Variants in CNKSR3 observed in about 807,000 individuals in gnomAD.
CNKSR3 encodes the protein CNKSR family member 3.
A neutral mutation model predicts 67.7 loss-of-function variants in CNKSR3; 36 were observed. The ratio of observed to expected loss-of-function variants is 0.53; its 90% CI spans 0.41 to 0.70. The LOEUF (loss-of-function observed/expected upper bound fraction) is 0.70. Among genes scored for constraint, CNKSR3 ranks in the 30% least tolerant of loss-of-function variants. The pLI is 0.00. For missense variants in CNKSR3, 630 were observed against 695.2 expected, an observed-to-expected ratio of 0.91 and a Z score of 1.05; for synonymous variants, 281 against 271.4, an observed-to-expected ratio of 1.04 and a Z score of -0.35.
At chr6:154,432,346 A>G (rs1258976832) in intron 5 of CNKSR3, among the ~76,000 whole-genome samples, 2 of 151,886 alleles carry the variant, frequency 1.3e-5, no homozygotes, top group Non-Finnish European at 2.9e-5. Flanking sequence ...CTCCTTTTTA[A>G]TTGGGTTGTT....
intron 1 of CNKSR3, among the ~76,000 whole-genome samples, chr6:154,465,917 T>C (rs193143713): frequency 4.6e-3 from 704 of 152,324 alleles, no homozygotes; most frequent in Non-Finnish European, 7.8e-3. Flanking sequence ...GAAATCTGGA[T>C]GGAATTCTTT....
rs1316377758 is a variant in CNKSR3, at chr6:154,405,621, CAGCGAATCTTAT to C, written c.*721_*732del. The C allele has an allele frequency of 1.3e-5, 2 of 152,236 alleles. No individual in the cohort carries two copies. Among genetic ancestry groups the C allele is most frequent in the Admixed American group, 6.5e-5 (1 of 15,280 alleles). The allele number at this position is 152,236 out of a possible 1,614,324, so 9.4% of individuals were successfully genotyped here. The stretch of plus-strand genomic sequence containing the variant: ...CTTTTCTAAATGATACTTTGGCTGT[CAGCGAATCTTAT>C]AGCTTCTTTTCCCTTAAAGACAATA... On this transcript the variant is annotated 3_prime_UTR_variant, in exon 13 of 13. Coordinates refer to ENST00000607772, the MANE Select transcript of CNKSR3 (RefSeq NM_173515.4).
intron 10 of CNKSR3, among the ~76,000 whole-genome samples, chr6:154,413,055 T>C (rs1420548374): frequency 1.3e-5 from 2 of 151,874 alleles, no homozygotes; most frequent in Non-Finnish European, 1.5e-5. Flanking sequence ...AATCATCCTG[T>C]ACACTCTATA....
At chr6:154,414,655 G>A (rs1784981199) in intron 9 of CNKSR3, 2 of 602,160 alleles carry the variant, frequency 3.3e-6, no homozygotes, top group Admixed American at 2.1e-5. Flanking sequence ...AGAGGCTTAG[G>A]AGCCAGGTGC....
chr6:154,510,411 T>A lies in CNKSR3; in HGVS notation c.-297A>T. 2.1e-6 allele frequency: 1 copy of A among 471,946 alleles called. No homozygotes were observed. Among genetic ancestry groups the A allele is most frequent in the Non-Finnish European group, 3.7e-6 (1 of 266,704 alleles). 29.2% of individuals were successfully genotyped at this position (471,946 alleles called of 1,614,324 possible). ...GACGGCAGCTGCAGGCACGCCGGGC[T>A]GCGACCCCAGACCCCTGGCCTCGGC... On this transcript the variant is annotated 5_prime_UTR_variant, in exon 1 of 13. Coordinates refer to ENST00000607772, the MANE Select transcript of CNKSR3 (RefSeq NM_173515.4).
chr6:154,507,579 G>T (rs1436735260), intron 1 of CNKSR3, among the ~76,000 whole-genome samples: 2 of 152,084 alleles, frequency 1.3e-5, no homozygotes, highest in Non-Finnish European at 2.9e-5. Context: ...TTCAAGTAAT[G>T]GGTCACGCAA....
chr6:154,476,880 T>G (rs191438422), intron 1 of CNKSR3, among the ~76,000 whole-genome samples: 1 of 152,322 alleles, frequency 6.6e-6, no homozygotes, highest in Non-Finnish European at 1.5e-5. Context: ...CTTAAAAATA[T>G]CCAGGTTTAA....
At chr6:154,498,278 A>C (rs1786916580) in intron 1 of CNKSR3, among the ~76,000 whole-genome samples, 1 of 152,202 alleles carries the variant, frequency 6.6e-6, no homozygotes, top group Non-Finnish European at 1.5e-5. Flanking sequence ...CTCACTGGAC[A>C]ATTAACACCT....
At chr6:154,456,487 C>A (rs1785958101) in intron 1 of CNKSR3, among the ~76,000 whole-genome samples, 1 of 148,428 alleles carries the variant, frequency 6.7e-6, no homozygotes, top group Non-Finnish European at 1.5e-5. Flanking sequence ...CACTTGAGGT[C>A]AGGAGTTCGA....
At chr6:154,440,887 T>A (rs1213197230) in intron 4 of CNKSR3, among the ~76,000 whole-genome samples, 1 of 151,416 alleles carries the variant, frequency 6.6e-6, no homozygotes, top group Admixed American at 6.6e-5. Context: ...GACTGGTAAA[T>A]CCAACAACAA....
At position 154,501,905 on chromosome 6, in the gene CNKSR3, C is replaced by T. The variant is rs113749624; in HGVS notation, c.52+8158G>A. ...GCGTCCAAGGAAACAATGAGAAGAC[C>T]GAAGACGGACTTGATTTAACTTACC... On this transcript the variant is annotated intron_variant, in intron 1 of 12. Coordinates refer to ENST00000607772, the MANE Select transcript of CNKSR3 (RefSeq NM_173515.4). Among the ~76,000 whole-genome samples, 720 of 152,008 alleles carry T rather than the reference C, an allele frequency of 4.7e-3. 4 individuals are homozygous for T. Among genetic ancestry groups the T allele is most frequent in the Middle Eastern group, 0.01 (3 of 294 alleles).
chr6:154,505,608 C>T (rs937768200), intron 1 of CNKSR3, among the ~76,000 whole-genome samples: 1 of 151,096 alleles, frequency 6.6e-6, no homozygotes, highest in African/African-American at 2.4e-5. Flanking sequence ...TGCCATTCTC[C>T]TGCCTCAGCC....
At chr6:154,435,071 C>T (rs1033784345) in intron 4 of CNKSR3, among the ~76,000 whole-genome samples, 8 of 150,732 alleles carry the variant, frequency 5.3e-5, no homozygotes, top group Admixed American at 1.3e-4. Context: ...CTCAGCTCAC[C>T]GGCAGCCTTG....
At chr6:154,501,107 C>T (rs1282593650) in intron 1 of CNKSR3, among the ~76,000 whole-genome samples, 1 of 152,130 alleles carries the variant, frequency 6.6e-6, no homozygotes, top group African/African-American at 2.4e-5. Context: ...TTAGCCCTGG[C>T]AGGAGGGGAA....
At chr6:154,505,304 G>C (rs1236806166) in intron 1 of CNKSR3, among the ~76,000 whole-genome samples, 1 of 151,134 alleles carries the variant, frequency 6.6e-6, no homozygotes, top group Non-Finnish European at 1.5e-5. Context: ...TAAACAAATA[G>C]ACACGACAGG....
Position 154,501,223 on chromosome 6 carries a change from C to T in CNKSR3, c.52+8840G>A, listed in dbSNP as rs539242306. Among the ~76,000 whole-genome samples, 3 of 152,322 alleles carry T rather than the reference C, an allele frequency of 2.0e-5. No individual in the cohort carries two copies. In the East Asian group the frequency reaches 5.8e-4, roughly 29 times the overall value. ...GAACTTGGCTTCACAAAGGCTGAAA[C>T]TGCCAACACCTGAATCCAAGACACC... is the stretch of plus-strand genomic sequence containing the variant. On this transcript the variant is annotated intron_variant, in intron 1 of 12. Coordinates refer to ENST00000607772, the MANE Select transcript of CNKSR3 (RefSeq NM_173515.4).
chr6:154,410,920 C>T lies in CNKSR3; in HGVS notation c.1279+14G>A. On this transcript the variant is annotated intron_variant, in intron 11 of 12. Coordinates refer to ENST00000607772, the MANE Select transcript of CNKSR3 (RefSeq NM_173515.4). ...AAGGCCAACGGCAGAACAAAACAAA[C>T]ACTTGAAACTTACCATAAGATGGTG... is the stretch of plus-strand genomic sequence containing the variant. 6.2e-7 allele frequency: 1 copy of T among 1,600,162 alleles called. No individual in the cohort carries two copies. Among genetic ancestry groups the T allele is most frequent in the Non-Finnish European group, 8.5e-7 (1 of 1,171,928 alleles).
At chr6:154,495,133 G>A (rs1230596253) in intron 1 of CNKSR3, among the ~76,000 whole-genome samples, 2 of 152,064 alleles carry the variant, frequency 1.3e-5, no homozygotes, top group African/African-American at 4.8e-5. Context: ...CACATTTCGC[G>A]TGCCAGGCTG....
chr6:154,408,690 C>T (rs905130833), intron 12 of CNKSR3, among the ~76,000 whole-genome samples: 11 of 152,266 alleles, frequency 7.2e-5, no homozygotes, highest in Admixed American at 5.2e-4. Flanking sequence ...CAAAAATGTT[C>T]TGGAATAGTG....
Sources: allele counts gnomAD v4.1 joint callset (sites outside exome capture counted in the v4.1 genomes callset), GRCh38; gene constraint gnomAD v4.1.1; transcripts MANE v1.5; gene names NCBI Gene and HGNC (gene_info 2026-07-23, HGNC 2026-07-21).